The following PCNT variants were observed in gnomAD, a reference collection of about 807,000 sequenced individuals.
The protein encoded by PCNT is pericentrin.
Under a neutral mutation model 380.4 loss-of-function variants are expected in PCNT, and 319 were observed. That is an observed-to-expected ratio of 0.84 (90% CI 0.77 to 0.92). PCNT has a LOEUF of 0.92. PCNT is among the 40% of genes least tolerant of loss of function. PCNT has a pLI of 0.00. For missense variants in PCNT, 4,400 were observed against 4,255.3 expected (o/e 1.03, Z -0.95); for synonymous variants, 1,845 against 1,735.2 (o/e 1.06, Z -1.57).
In PCNT at chr21:46,324,244, G is replaced by C. The variant is rs761540486; in HGVS notation, c.16G>C (p.Glu6Gln). MEVEQ[E>Q]QRRRKVEAGR... is the part of the protein sequence containing the mutation. Reference sequence around the variant, plus strand: ...TCTGAGGGAGATGGAAGTTGAGCAAGAGCAGCGGCGCAGAAAGGTGGAGGC... The same window carrying C: ...TCTGAGGGAGATGGAAGTTGAGCAACAGCAGCGGCGCAGAAAGGTGGAGGC... Residue 6 changes from glutamate (E) to glutamine (Q), a missense_variant, in exon 1 of 47, where the codon GAG becomes CAG. Transcript: ENST00000359568. 2.1e-5 allele frequency: 34 copies of C among 1,612,134 alleles called. No individual in the cohort carries two copies. The highest frequency in any genetic ancestry group is 6.7e-5 in the Admixed American group (4 of 59,830).
chr21:46,416,033 G>A (rs1393791445), intron 29 of PCNT, 36 bp from the exon 30 acceptor site: 8 of 1,611,260 alleles, frequency 5.0e-6, no homozygotes, highest in Non-Finnish European at 6.8e-6. Flanking sequence ...GGTGAGCCAG[G>A]TATTCCACCG....
intron 29 of PCNT, among the ~76,000 whole-genome samples, chr21:46,414,984 G>T (rs2086966175): frequency 6.6e-6 from 1 of 152,232 alleles, no homozygotes; most frequent in South Asian, 2.1e-4. Context: ...CACCAGAAGT[G>T]CTGGGCAGGT....
intron 25 of PCNT, among the ~76,000 whole-genome samples, chr21:46,400,274 CTGG>C (rs1196386643): frequency 2.2e-4 from 33 of 152,038 alleles, no homozygotes; most frequent in Non-Finnish European, 3.7e-4. Context: ...TAAAGAGGGG[CTGG>C]AGCACTGAGC....
chr21:46,428,735 G>A, intron 35 of PCNT, 145 bp downstream of exon 35: 1 of 788,328 alleles, frequency 1.3e-6, no homozygotes, highest in South Asian at 1.6e-5. Flanking sequence ...TCAGCTGATA[G>A]GACTGAGCAG....
chr21:46,435,492 CTGGGATTACAGGCG>C (rs2053410583), intron 38 of PCNT, among the ~76,000 whole-genome samples: 3 of 151,840 alleles, frequency 2.0e-5, no homozygotes, highest in Admixed American at 2.0e-4. Flanking sequence ...TCCCAAAGTG[CTGGGATTACAGGCG>C]TGAGCCACCA....
At chr21:46,341,952 T>TA (rs2146477218) in intron 3 of PCNT, among the ~76,000 whole-genome samples, 1 of 151,498 alleles carries the variant, frequency 6.6e-6, no homozygotes, top group South Asian at 2.1e-4. Context: ...ACTTATTTTT[T>TA]TTTTTTTGAG....
In PCNT at chr21:46,421,972, G is replaced by A; in HGVS notation, c.7027G>A (p.Asp2343Asn). The change falls in exon 32 of 47, where the codon GAC (aspartate) becomes AAC (asparagine). Residue 2343 changes from aspartate to asparagine, a missense_variant and splice_region_variant. Asp to Asn is a conservative substitution (Grantham distance 23). Transcript: ENST00000359568. ...CCCTGACCCTGTGGTGTTTTTAGGT[G>A]ACGGCTCGGGTTTTGGAGCAAGACT... Reference protein sequence around the residue: ...EGKADRSEKSDGSGFGARLSP... With the variant: ...EGKADRSEKSNGSGFGARLSP... The A allele has an allele frequency of 6.2e-7, 1 of 1,614,040 alleles. No homozygotes were observed. The highest frequency in any genetic ancestry group is 8.5e-7 in the Non-Finnish European group (1 of 1,179,936).
At chr21:46,362,971 C>A (rs187507959) in intron 13 of PCNT, among the ~76,000 whole-genome samples, 270 of 152,342 alleles carry the variant, frequency 1.8e-3, no homozygotes, top group Non-Finnish European at 3.2e-3. Context: ...ACCCCTTGCT[C>A]AAGGTCTTTC....
At chr21:46,339,122 G>T (rs2083843728) in intron 3 of PCNT, among the ~76,000 whole-genome samples, 1 of 152,060 alleles carries the variant, frequency 6.6e-6, no homozygotes, top group African/African-American at 2.4e-5. Flanking sequence ...TACCATGTTG[G>T]CCAGGCTGAT....
chr21:46,331,083 G>T (rs547069619), intron 2 of PCNT, among the ~76,000 whole-genome samples: 22 of 152,196 alleles, frequency 1.4e-4, no homozygotes, highest in African/African-American at 5.1e-4. Context: ...AGAAGTTATT[G>T]TGCTTTCCAA....
At chr21:46,325,171 G>A in intron 1 of PCNT, 1 of 985,790 alleles carries the variant, frequency 1.0e-6, no homozygotes, top group Non-Finnish European at 1.2e-6. Flanking sequence ...AGTCCCGAAA[G>A]CGCGAGGCGG....
Position 46,382,345 on chromosome 21 carries a change from G to A in PCNT, c.3312+505G>A, listed in dbSNP as rs567199089. ...TTCACAGTGTTGTATATTCAGTGGC[G>A]GAAGCGCAATCACAGTGTTGTATAT... is the stretch of plus-strand genomic sequence containing the variant. On this transcript the variant is annotated intron_variant, in intron 16 of 46. Transcript: ENST00000359568. Among the ~76,000 whole-genome samples the A allele has an allele frequency of 4.1e-5, 6 of 146,722 alleles. 1 individual carries two copies. In the East Asian group the frequency reaches 6.3e-4, roughly 15 times the overall value.
chr21:46,348,202 C>A, intron 6 of PCNT: 1 of 167,030 alleles, frequency 6.0e-6, no homozygotes, highest in Non-Finnish European at 1.3e-5. Flanking sequence ...CCATTGGCCC[C>A]TGGGACTTAT....
At chr21:46,406,527 C>T (rs1323398497) in intron 27 of PCNT, among the ~76,000 whole-genome samples, 2 of 152,138 alleles carry the variant, frequency 1.3e-5, no homozygotes, top group Non-Finnish European at 2.9e-5. Context: ...TTCCTGAAGG[C>T]TTTTTATGTA....
At chr21:46,394,632 T>C (rs570124197) in intron 21 of PCNT, 1 of 424,742 alleles carries the variant, frequency 2.4e-6, no homozygotes, top group South Asian at 9.8e-5. Flanking sequence ...TTCAGACCTT[T>C]TGTGGCAAAC....
chr21:46,338,621 T>C (rs1348205847), intron 3 of PCNT, among the ~76,000 whole-genome samples: 40 of 110,116 alleles, frequency 3.6e-4, no homozygotes, highest in African/African-American at 1.4e-3. Flanking sequence ...TTTTTTTTTT[T>C]GAGACGGAGT....
At chr21:46,441,524 C>T (rs1286945163) in intron 43 of PCNT, among the ~76,000 whole-genome samples, 3 of 151,588 alleles carry the variant, frequency 2.0e-5, no homozygotes, top group Non-Finnish European at 4.4e-5. Flanking sequence ...GACCAGGTGC[C>T]GAGCCAGTTC....
rs549195558 is a variant in PCNT, at chr21:46,429,546, G to C, written c.7691-464G>C. Among the ~76,000 whole-genome samples, 4 of 152,316 alleles carry C rather than the reference G, an allele frequency of 2.6e-5. No individual in the cohort carries two copies. The East Asian group carries it at 7.7e-4, about 29-fold the overall frequency. On this transcript the variant is annotated intron_variant, in intron 35 of 46. Transcript: ENST00000359568. ...GAGGGGCACTGGTCTGTTTTCTGTT[G>C]TGCCTTTTTGGTCTTGGTGCTGGGT...
Position 46,412,082 on chromosome 21 carries a change from C to A in PCNT, c.5994+15C>A. ...CTGACCCACAGGTGGGCTCCCCCCG[C>A]GGGCCATGGCAGGGTATTTTTTTTT... is the stretch of plus-strand genomic sequence containing the variant. On this transcript the variant is annotated intron_variant, in intron 28 of 46. Coordinates refer to ENST00000359568, the MANE Select transcript of PCNT (RefSeq NM_006031.6). The A allele has an allele frequency of 5.6e-6, 9 of 1,603,098 alleles. No homozygotes were observed. The highest frequency in any genetic ancestry group is 6.8e-6 in the Non-Finnish European group (8 of 1,179,462).
Sources: allele counts gnomAD v4.1 joint callset (sites outside exome capture counted in the v4.1 genomes callset), GRCh38; gene constraint gnomAD v4.1.1; transcripts MANE v1.5; gene names NCBI Gene and HGNC (gene_info 2026-07-23, HGNC 2026-07-21).